Variants in ACKR2 observed in about 807,000 individuals in gnomAD.
ACKR2 encodes the protein atypical chemokine receptor 2.
For missense variants in ACKR2, 457 were observed against 477.3 expected (o/e 0.96, Z 0.40); for synonymous variants, 207 against 192.2 (o/e 1.08, Z -0.64).
chr3:42,863,935 C>A (rs191282868), intron 2 of ACKR2, among the ~76,000 whole-genome samples: 1 of 152,142 alleles, frequency 6.6e-6, no homozygotes, highest in South Asian at 2.1e-4. Context: ...GTGCAGCAAA[C>A]CACCATGGTA....
At chr3:42,809,678 A>G (rs1456964788) in intron 1 of ACKR2, 146 bp downstream of exon 1, 2 of 152,290 alleles carry the variant, frequency 1.3e-5, no homozygotes, top group African/African-American at 2.4e-5. Flanking sequence ...CCTGACCAAC[A>G]TGGTGATACC....
At chr3:42,819,422 G>A (rs555102084) in intron 1 of ACKR2, among the ~76,000 whole-genome samples, 1 of 88,404 alleles carries the variant, frequency 1.1e-5, no homozygotes, top group Non-Finnish European at 2.3e-5. Flanking sequence ...AAAGAGCTGG[G>A]CTCCCTCACT....
At chr3:42,840,542 T>C (rs986049718) in intron 2 of ACKR2, among the ~76,000 whole-genome samples, 1 of 152,226 alleles carries the variant, frequency 6.6e-6, no homozygotes, top group Non-Finnish European at 1.5e-5. Flanking sequence ...TAGGTAGTAA[T>C]GCCCATTTTT....
intron 2 of ACKR2, among the ~76,000 whole-genome samples, chr3:42,825,542 A>G (rs1218974955): frequency 6.6e-6 from 1 of 151,088 alleles, no homozygotes; most frequent in East Asian, 1.9e-4. Context: ...TTGATCTTGT[A>G]TCCTGAATGT....
chr3:42,858,449 A>G (rs1218076560), intron 2 of ACKR2, among the ~76,000 whole-genome samples: 1 of 152,142 alleles, frequency 6.6e-6, no homozygotes, highest in African/African-American at 2.4e-5. Context: ...TTAGAAGGAA[A>G]ACTAACAAAC....
At chr3:42,828,519 T>C (rs894038417) in intron 2 of ACKR2, among the ~76,000 whole-genome samples, 1 of 152,202 alleles carries the variant, frequency 6.6e-6, no homozygotes, top group African/African-American at 2.4e-5. Flanking sequence ...CCCCTAAAAG[T>C]GGCAACATCT....
chr3:42,820,971 G>A (rs13060954), intron 2 of ACKR2, among the ~76,000 whole-genome samples: 39,136 of 151,038 alleles, frequency 0.26, 6,250 homozygotes, highest in East Asian at 0.59. Context: ...TGCCATGTCC[G>A]CCTCCCAGGT....
intron 2 of ACKR2, among the ~76,000 whole-genome samples, chr3:42,857,316 A>C (rs1283848282): frequency 2.0e-5 from 3 of 152,162 alleles, no homozygotes; most frequent in Non-Finnish European, 4.4e-5. Context: ...AAGAATCTGC[A>C]AGGTATCCCA....
intron 2 of ACKR2, among the ~76,000 whole-genome samples, chr3:42,854,258 G>T (rs181295892): frequency 3.3e-5 from 5 of 152,270 alleles, no homozygotes; most frequent in African/African-American, 9.6e-5. Context: ...TTGATTTATA[G>T]CATTTGCCAT....
chr3:42,864,594 T>C lies in ACKR2; in HGVS notation c.92T>C (p.Val31Ala). 10 of 1,614,218 alleles carry C rather than the reference T, an allele frequency of 6.2e-6. No homozygotes were observed. Among genetic ancestry groups the C allele is most frequent in the Non-Finnish European group, 8.5e-6 (10 of 1,180,036 alleles). ...TATTACTATGACTACCTGGATGAAG[T>C]GGCCTTCATGCTCTGCAGGAAGGAT... ...SFYYYDYLDEVAFMLCRKDAV... is the reference protein window; with the variant it reads ...SFYYYDYLDEAAFMLCRKDAV... The change falls in exon 3 of 3, where the codon GTG (valine) becomes GCG (alanine). Residue 31 changes from valine (V) to alanine (A), a missense_variant. By Grantham distance (64) the Val-to-Ala change is moderately conservative. Transcript: ENST00000422265.
At chr3:42,843,487 A>T (rs1216902525) in intron 2 of ACKR2, among the ~76,000 whole-genome samples, 2 of 152,190 alleles carry the variant, frequency 1.3e-5, no homozygotes, top group Non-Finnish European at 2.9e-5. Context: ...TGTGTACAAT[A>T]GACTGCCTGG....
chr3:42,861,326 C>A (rs984061322), intron 2 of ACKR2, among the ~76,000 whole-genome samples: 1 of 152,154 alleles, frequency 6.6e-6, no homozygotes, highest in Non-Finnish European at 1.5e-5. Context: ...GAAGTCGAAT[C>A]CCTGAATAGA....
intron 2 of ACKR2, among the ~76,000 whole-genome samples, chr3:42,836,931 G>C (rs1370341814): frequency 6.6e-6 from 1 of 152,186 alleles, no homozygotes; most frequent in Non-Finnish European, 1.5e-5. Context: ...CCCCACCTCT[G>C]ATCACCGTGT....
In ACKR2 at chr3:42,864,799, G is replaced by A; in HGVS notation, c.297G>A (p.Leu99=). The change falls in exon 3 of 3, where the codon CTG becomes CTA. Residue 99 remains leucine, a synonymous_variant. Coordinates refer to ENST00000422265, the MANE Select transcript of ACKR2 (RefSeq NM_001296.5). The stretch of plus-strand genomic sequence containing the variant: ...CCAACCTTCTGTTTCTGGTGACACT[G>A]CCCTTCTGGGGCATCTCCGTGGCCT... ...AISNLLFLVT[L]PFWGISVAWH... is the part of the protein sequence containing the mutation. 1 of 1,614,228 alleles carries A rather than the reference G, an allele frequency of 6.2e-7. No homozygotes were observed. Among genetic ancestry groups the A allele is most frequent in the Non-Finnish European group, 8.5e-7 (1 of 1,180,038 alleles).
intron 2 of ACKR2, among the ~76,000 whole-genome samples, chr3:42,830,321 G>A (rs1700919565): frequency 6.6e-6 from 1 of 152,078 alleles, no homozygotes; most frequent in African/African-American, 2.4e-5. Context: ...TCACCCTCTT[G>A]GTCAGGTTGG....
At chr3:42,863,328 T>C (rs1035554307) in intron 2 of ACKR2, among the ~76,000 whole-genome samples, 1 of 152,202 alleles carries the variant, frequency 6.6e-6, no homozygotes, top group African/African-American at 2.4e-5. Context: ...TAACCCCAGT[T>C]AGAATGATGA....
intron 1 of ACKR2, among the ~76,000 whole-genome samples, chr3:42,818,442 T>C (rs1171368748): frequency 6.6e-6 from 1 of 152,224 alleles, no homozygotes; most frequent in Non-Finnish European, 1.5e-5. Flanking sequence ...GACTGAGTTT[T>C]CACTTTCATA....
At chr3:42,843,882 A>G (rs1450893482) in intron 2 of ACKR2, 2 of 152,156 alleles carry the variant, frequency 1.3e-5, no homozygotes, top group South Asian at 2.1e-4. Flanking sequence ...TCCAGTTACA[A>G]CATTTCCATA....
At chr3:42,864,388 G>A (rs1471625446) in intron 2 of ACKR2, 78 bp from the exon 3 acceptor site, 1 of 1,323,602 alleles carries the variant, frequency 7.6e-7, no homozygotes, top group Non-Finnish European at 1.0e-6. Flanking sequence ...GAGTCTATTG[G>A]ACATCCCAGG....
Sources: gnomAD v4.1 joint callset for allele counts (sites outside exome capture counted in the v4.1 genomes callset) on GRCh38, gnomAD v4.1.1 for gene constraint, MANE v1.5 for transcripts, NCBI Gene and HGNC (gene_info 2026-07-23, HGNC 2026-07-21) for gene names.